Variants in CSRNP3 observed in about 807,000 individuals in gnomAD.
The protein encoded by CSRNP3 is cysteine and serine rich nuclear protein 3, also known as cysteine/serine-rich nuclear protein 3.
A neutral mutation model predicts 48.0 loss-of-function variants in CSRNP3; 12 were observed. The ratio of observed to expected loss-of-function variants is 0.25; its 90% confidence interval spans 0.16 to 0.41. CSRNP3 has a LOEUF of 0.41. Ranked by LOEUF, CSRNP3 falls within the 10% of genes least tolerant of loss-of-function variation. CSRNP3 has a pLI of 1.00. For synonymous variants in CSRNP3, 263 were observed against 269.7 expected (o/e 0.98, Z 0.24); for missense variants, 580 against 724.4 (o/e 0.80, Z 2.29).
At chr2:165,665,125 AAGTTT>A (rs1687157205) in intron 5 of CSRNP3, among the ~76,000 whole-genome samples, 1 of 152,288 alleles carries the variant, frequency 6.6e-6, no homozygotes, top group African/African-American at 2.4e-5. Context: ...AAACAGGGCC[AAGTTT>A]AGGATATCCT....
At chr2:165,492,198 T>G (rs1382902865) in intron 1 of CSRNP3, among the ~76,000 whole-genome samples, 2 of 152,156 alleles carry the variant, frequency 1.3e-5, no homozygotes, top group Non-Finnish European at 2.9e-5. Context: ...TTCCCATCAC[T>G]TCTACCTTCT....
intron 3 of CSRNP3, among the ~76,000 whole-genome samples, chr2:165,534,822 A>G (rs1338655415): frequency 1.3e-5 from 2 of 151,798 alleles, no homozygotes; most frequent in African/African-American, 4.8e-5. Context: ...AATAATATTT[A>G]TCAAACTGAT....
chr2:165,555,251 CT>C (rs1685147203), intron 3 of CSRNP3, among the ~76,000 whole-genome samples: 1 of 152,154 alleles, frequency 6.6e-6, no homozygotes, highest in Non-Finnish European at 1.5e-5. Context: ...GCTTTGTCCC[CT>C]TTTTCTCCCA....
intron 3 of CSRNP3, among the ~76,000 whole-genome samples, chr2:165,539,023 G>A (rs527567920): frequency 6.6e-6 from 1 of 151,862 alleles, no homozygotes. Flanking sequence ...TGGAATAGTG[G>A]ATTGAAAAAG....
chr2:165,578,840 C>T (rs560871722), intron 3 of CSRNP3, among the ~76,000 whole-genome samples: 105 of 152,104 alleles, frequency 6.9e-4, no homozygotes, highest in Non-Finnish European at 1.1e-3. Context: ...TGGTTAAGAA[C>T]TTAAGTTCAA....
intron 4 of CSRNP3, among the ~76,000 whole-genome samples, chr2:165,655,301 G>A (rs535762853): frequency 5.3e-5 from 8 of 152,294 alleles, no homozygotes; most frequent in Admixed American, 3.9e-4. Context: ...CGAAAAGACT[G>A]TGCTCTGAAT....
intron 1 of CSRNP3, among the ~76,000 whole-genome samples, chr2:165,492,448 T>G (rs1684226729): frequency 6.6e-6 from 1 of 152,046 alleles, no homozygotes. Context: ...ACACCATTCC[T>G]TTGTCCTAGA....
chr2:165,518,070 A>G (rs1051547549), intron 3 of CSRNP3, 109 bp downstream of exon 3: 2 of 152,304 alleles, frequency 1.3e-5, no homozygotes, highest in Non-Finnish European at 2.9e-5. Context: ...TACTTAAAAT[A>G]TGTGTTTTAA....
intron 2 of CSRNP3, among the ~76,000 whole-genome samples, chr2:165,496,910 T>C (rs1237212843): frequency 6.6e-6 from 1 of 152,032 alleles, no homozygotes; most frequent in African/African-American, 2.4e-5. Context: ...CTTATTGATT[T>C]CTATAGCTTG....
intron 3 of CSRNP3, among the ~76,000 whole-genome samples, chr2:165,567,181 T>C (rs1485382628): frequency 2.0e-5 from 3 of 152,104 alleles, no homozygotes; most frequent in Non-Finnish European, 4.4e-5. Context: ...TTTTACTCCA[T>C]GTTTTATTTT....
intron 4 of CSRNP3, among the ~76,000 whole-genome samples, chr2:165,599,884 A>G (rs1450673549): frequency 6.6e-6 from 1 of 151,696 alleles, no homozygotes; most frequent in Non-Finnish European, 1.5e-5. Context: ...TTTGAAGACT[A>G]TCAAATTTGT....
At chr2:165,520,088 A>G (rs1480088735) in intron 3 of CSRNP3, among the ~76,000 whole-genome samples, 1 of 152,218 alleles carries the variant, frequency 6.6e-6, no homozygotes, top group Non-Finnish European at 1.5e-5. Flanking sequence ...TTTTTTAGAA[A>G]TGATGATACA....
intron 1 of CSRNP3, among the ~76,000 whole-genome samples, chr2:165,476,082 C>A (rs1225707993): frequency 6.6e-6 from 1 of 152,170 alleles, no homozygotes; most frequent in African/African-American, 2.4e-5. Context: ...TTTAACCAAT[C>A]TGAGTGCTAT....
chr2:165,538,971 A>G (rs1684918026), intron 3 of CSRNP3, among the ~76,000 whole-genome samples: 1 of 151,874 alleles, frequency 6.6e-6, no homozygotes, highest in Non-Finnish European at 1.5e-5. Context: ...GAAAAGAAAT[A>G]CTCCTAACGA....
intron 3 of CSRNP3, among the ~76,000 whole-genome samples, chr2:165,568,909 T>C (rs1381803568): frequency 6.6e-6 from 1 of 152,094 alleles, no homozygotes; most frequent in Non-Finnish European, 1.5e-5. Flanking sequence ...TTTTCTGATT[T>C]TAGCAGATAT....
intron 5 of CSRNP3, among the ~76,000 whole-genome samples, chr2:165,658,441 G>A (rs1023090311): frequency 1.3e-5 from 2 of 152,178 alleles, no homozygotes; most frequent in Non-Finnish European, 1.5e-5. Flanking sequence ...TTATAATAGG[G>A]AATTGATGTG....
chr2:165,682,820 G>A lies in CSRNP3; in HGVS notation c.*3067G>A, dbSNP rs1393270413. ...ATGGGGATCAAGCTACATGCAGCCA[G>A]TTGGAATACTTAAGATCTTTATGCC... On this transcript the variant is annotated 3_prime_UTR_variant, in exon 7 of 7. Coordinates refer to ENST00000651982, the MANE Select transcript of CSRNP3 (RefSeq NM_001172173.2). 6.6e-6 allele frequency: 1 copy of A among 152,090 alleles called. No homozygotes were observed. Among genetic ancestry groups the A allele is most frequent in the Non-Finnish European group, 1.5e-5 (1 of 67,998 alleles). The allele number at this position is 152,090 out of a possible 1,614,324, so 9.4% of individuals were successfully genotyped here.
In CSRNP3 at chr2:165,681,280, A is replaced by G. The variant is rs1193136019; in HGVS notation, c.*1527A>G. 6.6e-6 allele frequency: 1 copy of G among 151,894 alleles called. No homozygotes were observed. The highest frequency in any genetic ancestry group is 2.4e-5 in the African/African-American group (1 of 41,352). The allele number at this position is 151,894 out of a possible 1,614,324, so 9.4% of individuals were successfully genotyped here. On this transcript the variant is annotated 3_prime_UTR_variant, in exon 7 of 7. Coordinates refer to ENST00000651982, the MANE Select transcript of CSRNP3 (RefSeq NM_001172173.2). ...ATTTTTGACCTTCTATTGTTATATC[A>G]CTTCACATGTTTTATAACTATTTGA...
intron 4 of CSRNP3, among the ~76,000 whole-genome samples, chr2:165,637,697 G>A (rs1037865751): frequency 1.3e-5 from 2 of 152,198 alleles, no homozygotes; most frequent in African/African-American, 4.8e-5. Flanking sequence ...TTTCATGAAT[G>A]CATTAAACAA....
Sources: allele counts gnomAD v4.1 joint callset (sites outside exome capture counted in the v4.1 genomes callset), GRCh38; gene constraint gnomAD v4.1.1; transcripts MANE v1.5; gene names NCBI Gene and HGNC (gene_info 2026-07-23, HGNC 2026-07-21).